ARSG: variants seen among roughly 807,000 people sequenced by gnomAD.
ARSG encodes arylsulfatase G, also known as ASG.
ARSG carries 37 observed loss-of-function variants against 50.5 expected under a neutral mutation model. That is an observed-to-expected ratio of 0.73 (90% CI 0.56 to 0.96). The LOEUF (loss-of-function observed/expected upper bound fraction) is 0.96. Among genes scored for constraint, ARSG ranks in the 50% least tolerant of loss-of-function variants. The probability of loss-of-function intolerance (pLI) is 0.00; values close to 1 mark genes in which losing one functional copy is unlikely to be tolerated. For missense variants in ARSG, 629 were observed against 675.3 expected, an observed-to-expected ratio of 0.93 and a Z score of 0.76; for synonymous variants, 225 against 254.6, an observed-to-expected ratio of 0.88 and a Z score of 1.11.
the ARSG span, among the ~76,000 whole-genome samples, chr17:68,449,040 C>T: frequency 2.0e-5 from 3 of 152,118 alleles, no homozygotes; most frequent in Non-Finnish European, 2.9e-5. Context: ...AGAAACAATC[C>T]CTTCCTTCTC....
At position 68,271,710 on chromosome 17, in the gene ARSG, C is replaced by T. The variant is rs2075346526; in HGVS notation, c.-552+12284C>T. On this transcript the variant is annotated intron_variant, in intron 1 of 11. Coordinates refer to the ARSG transcript ENST00000448504. This position sits in a 1 kb window ranked among gnomAD's most constrained non-coding sequence, Gnocchi z 5.3. ...TATAAGGTCAATAATGGACTCAAGACCCAGGAGAAGCCATCAAGAAGAAAT... is the reference window on the plus strand; with the variant it reads ...TATAAGGTCAATAATGGACTCAAGATCCAGGAGAAGCCATCAAGAAGAAAT... 1.4e-6 allele frequency: 2 copies of T among 1,396,120 alleles called. No homozygotes were observed. The highest frequency in any genetic ancestry group is 2.3e-5 in the East Asian group (1 of 42,710). 86.5% of individuals were successfully genotyped at this position (1,396,120 alleles called of 1,614,324 possible).
chr17:68,315,612 G>A (rs1218577721), intron 2 of ARSG, among the ~76,000 whole-genome samples: 1 of 151,846 alleles, frequency 6.6e-6, no homozygotes, highest in African/African-American at 2.4e-5. Context: ...AGCATAAGAG[G>A]CAACCTGAGA....
intron 2 of ARSG, among the ~76,000 whole-genome samples, chr17:68,323,368 A>G (rs2077371325): frequency 1.4e-5 from 2 of 147,514 alleles, no homozygotes; most frequent in African/African-American, 5.1e-5. Context: ...CCCCAAAGCC[A>G]TAGACATACT....
intron 1 of ARSG, chr17:68,278,025 C>T (rs555069317): frequency 4.5e-6 from 5 of 1,104,022 alleles, no homozygotes; most frequent in Admixed American, 2.0e-5. Context: ...ACTACCATTA[C>T]CAAGGTAGCC....
At chr17:68,437,932 A>G in the ARSG span, among the ~76,000 whole-genome samples, 1 of 131,136 alleles carries the variant, frequency 7.6e-6, no homozygotes, top group African/African-American at 2.9e-5. Flanking sequence ...AGATCACGCA[A>G]GAGAGACATC....
intron 7 of ARSG, among the ~76,000 whole-genome samples, chr17:68,369,272 C>A (rs1045490439): frequency 1.3e-5 from 2 of 152,140 alleles, no homozygotes; most frequent in Non-Finnish European, 2.9e-5. Context: ...GGTTGACTCA[C>A]ACCTATAATC....
intron 5 of ARSG, among the ~76,000 whole-genome samples, chr17:68,354,432 AAAAG>A (rs1020003190): frequency 1.3e-5 from 2 of 151,744 alleles, no homozygotes; most frequent in Admixed American, 6.6e-5. Context: ...AAAAAAGAAA[AAAAG>A]AAAAAAAAAT....
intron 1 of ARSG, among the ~76,000 whole-genome samples, chr17:68,276,780 CA>C (rs1487325138): frequency 6.6e-6 from 1 of 152,002 alleles, no homozygotes; most frequent in Non-Finnish European, 1.5e-5. Flanking sequence ...GTGAGTTCAA[CA>C]GCCCTTTTCT....
At chr17:68,376,893 T>G (rs376219322) in intron 8 of ARSG, among the ~76,000 whole-genome samples, 1 of 150,408 alleles carries the variant, frequency 6.6e-6, no homozygotes, top group South Asian at 2.1e-4. Flanking sequence ...AAAGTCTTGC[T>G]CTGTCGCCCA....
chr17:68,375,087 T>G (rs1435546122), intron 8 of ARSG, among the ~76,000 whole-genome samples: 2 of 152,158 alleles, frequency 1.3e-5, no homozygotes, highest in East Asian at 3.9e-4. Flanking sequence ...GAATAGTGTT[T>G]CTTTGATTTT....
chr17:68,438,915 TA>T, the ARSG span, among the ~76,000 whole-genome samples: 1 of 152,196 alleles, frequency 6.6e-6, no homozygotes, highest in African/African-American at 2.4e-5. Flanking sequence ...CATATGTTTT[TA>T]AAAAGGCTGT....
chr17:68,307,375 T>G lies in ARSG; in HGVS notation c.-119T>G. ...ACTGCCACCAGCATCTTCTTGCAGA[T>G]TCCACCCCTGCTCCCCAGAGACTTC... On this transcript the variant is annotated 5_prime_UTR_variant, in exon 2 of 12. Coordinates refer to ENST00000621439, the MANE Select transcript of ARSG (RefSeq NM_001267727.2). 1.3e-6 allele frequency: 1 copy of G among 774,234 alleles called. No individual in the cohort carries two copies. The highest frequency in any genetic ancestry group is 1.7e-5 in the South Asian group (1 of 57,984). The allele number at this position is 774,234 out of a possible 1,614,324, so 48.0% of individuals were successfully genotyped here. A position where few individuals can be genotyped will look rare whatever the true frequency, so the allele number is the denominator to read the frequency against.
At chr17:68,394,474 AAAC>A (rs2081143728) in intron 9 of ARSG, among the ~76,000 whole-genome samples, 1 of 152,194 alleles carries the variant, frequency 6.6e-6, no homozygotes, top group African/African-American at 2.4e-5. Context: ...AAAATCAATA[AAAC>A]AACAAAGAAA....
At chr17:68,427,995 A>AT in the ARSG span, among the ~76,000 whole-genome samples, 4 of 151,674 alleles carry the variant, frequency 2.6e-5, no homozygotes, top group African/African-American at 4.8e-5. Flanking sequence ...GGCTCAGGTG[A>AT]TCCCCCCACC....
intron 2 of ARSG, among the ~76,000 whole-genome samples, chr17:68,341,481 T>G (rs1325737585): frequency 1.3e-5 from 2 of 152,240 alleles, no homozygotes; most frequent in African/African-American, 4.8e-5. Flanking sequence ...CTTTTTGAAG[T>G]GTTCATAACA....
chr17:68,325,627 A>T (rs1232183556), intron 2 of ARSG, among the ~76,000 whole-genome samples: 1 of 152,054 alleles, frequency 6.6e-6, no homozygotes, highest in Non-Finnish European at 1.5e-5. Context: ...AATCAACCTA[A>T]ACACAAAAGA....
rs2080256589 is a variant in ARSG, at chr17:68,378,336, G to A, written c.983-6728G>A. On this transcript the variant is annotated intron_variant, in intron 8 of 11. Coordinates refer to ENST00000621439, the MANE Select transcript of ARSG (RefSeq NM_001267727.2). The surrounding 1 kb of genome is among the most constrained non-coding windows in gnomAD (Gnocchi z 4.4). Reference sequence around the variant, plus strand: ...GCCAGGCTGCTGCGTCAGGCCACGTGCTGTCTTCCCCTGTTCTCAGGGCCC... The same window carrying A: ...GCCAGGCTGCTGCGTCAGGCCACGTACTGTCTTCCCCTGTTCTCAGGGCCC... Among the ~76,000 whole-genome samples the A allele has an allele frequency of 6.6e-6, 1 of 152,236 alleles. No homozygotes were observed. The highest frequency in any genetic ancestry group is 1.5e-5 in the Non-Finnish European group (1 of 68,036).
intron 2 of ARSG, among the ~76,000 whole-genome samples, chr17:68,319,386 T>A (rs1309268405): frequency 6.6e-6 from 1 of 152,110 alleles, no homozygotes; most frequent in Non-Finnish European, 1.5e-5. Context: ...TCAAATAGAA[T>A]CAAAATCATG....
chr17:68,369,886 G>A (rs1287531922), intron 7 of ARSG, among the ~76,000 whole-genome samples: 2 of 152,214 alleles, frequency 1.3e-5, no homozygotes, highest in African/African-American at 4.8e-5. Flanking sequence ...AGGCAAGGAA[G>A]GCAAGAGGCT....
Sources: allele counts gnomAD v4.1 joint callset (sites outside exome capture counted in the v4.1 genomes callset), GRCh38; gene constraint gnomAD v4.1.1; non-coding constraint Gnocchi (gnomAD v3.1); transcripts MANE v1.5; gene names NCBI Gene and HGNC (gene_info 2026-07-23, HGNC 2026-07-21).